SUGCT: variants seen among roughly 807,000 people sequenced by gnomAD.
SUGCT encodes succinyl-CoA:glutarate-CoA transferase.
Under a neutral mutation model 55.0 loss-of-function variants are expected in SUGCT, and 41 were observed. The ratio of observed to expected loss-of-function variants is 0.74; its 90% confidence interval spans 0.58 to 0.97. The LOEUF (loss-of-function observed/expected upper bound fraction) is 0.97. Ranked by LOEUF, SUGCT falls within the 50% of genes least tolerant of loss-of-function variation. The pLI, the probability that SUGCT is intolerant of heterozygous loss-of-function variation, is 0.00. For synonymous variants in SUGCT, 187 were observed against 200.4 expected, an observed-to-expected ratio of 0.93 and a Z score of 0.56; for missense variants, 568 against 547.8, an observed-to-expected ratio of 1.04 and a Z score of -0.37.
intron 13 of SUGCT, among the ~76,000 whole-genome samples, chr7:40,820,445 C>A (rs1791927849): frequency 6.6e-6 from 1 of 152,134 alleles, no homozygotes; most frequent in Non-Finnish European, 1.5e-5. Flanking sequence ...TTTCGTTGAG[C>A]AGTGGTTTGT....
At chr7:40,754,562 A>C (rs1296115595) in intron 13 of SUGCT, among the ~76,000 whole-genome samples, 1 of 152,220 alleles carries the variant, frequency 6.6e-6, no homozygotes, top group South Asian at 2.1e-4. Context: ...ACAGGCATGA[A>C]CAATGAACAT....
chr7:40,837,227 A>G, intron 13 of SUGCT, among the ~76,000 whole-genome samples: 1 of 152,206 alleles, frequency 6.6e-6, no homozygotes, highest in Middle Eastern at 3.4e-3. Flanking sequence ...CCACCTCCAT[A>G]TTATCTCAGT....
chr7:40,624,283 C>A (rs1799412695), intron 12 of SUGCT, among the ~76,000 whole-genome samples: 1 of 152,038 alleles, frequency 6.6e-6, no homozygotes, highest in Admixed American at 6.5e-5. Flanking sequence ...TAGGTAATCG[C>A]CAAACTGGAA....
At chr7:40,493,245 T>A (rs1791791477) in intron 11 of SUGCT, among the ~76,000 whole-genome samples, 1 of 152,208 alleles carries the variant, frequency 6.6e-6, no homozygotes, top group Non-Finnish European at 1.5e-5. Flanking sequence ...AACCTGAGTT[T>A]CCTATTGGTC....
At chr7:40,654,058 T>A (rs1173676442) in intron 12 of SUGCT, among the ~76,000 whole-genome samples, 1 of 152,128 alleles carries the variant, frequency 6.6e-6, no homozygotes, top group Non-Finnish European at 1.5e-5. Flanking sequence ...AGAGAATTAG[T>A]TTTAAGTAAT....
chr7:40,743,773 CA>C (rs1288496271), intron 12 of SUGCT, among the ~76,000 whole-genome samples: 1 of 152,158 alleles, frequency 6.6e-6, no homozygotes, highest in Admixed American at 6.5e-5. Flanking sequence ...ACAGGAAAAA[CA>C]GTTGCCGCTT....
At chr7:40,753,904 C>A (rs1399725358) in intron 13 of SUGCT, among the ~76,000 whole-genome samples, 2 of 152,134 alleles carry the variant, frequency 1.3e-5, no homozygotes, top group African/African-American at 4.8e-5. Flanking sequence ...GTAATCATTA[C>A]CATTATTAAA....
At chr7:40,962,018 C>A in the SUGCT span, among the ~76,000 whole-genome samples, 4 of 152,164 alleles carry the variant, frequency 2.6e-5, no homozygotes, top group Non-Finnish European at 5.9e-5. Flanking sequence ...GGTTGCCCAG[C>A]TGGCTTGGGT....
At chr7:40,198,971 T>C (rs1465662982) in intron 6 of SUGCT, among the ~76,000 whole-genome samples, 2 of 151,142 alleles carry the variant, frequency 1.3e-5, no homozygotes, top group Non-Finnish European at 2.9e-5. Context: ...CCAGCCTGGG[T>C]GACAGAGTGA....
Position 40,835,023 on chromosome 7 carries a change from C to G in SUGCT, c.1154-25293C>G, listed in dbSNP as rs1341375329. 2.6e-5 allele frequency among the ~76,000 whole-genome samples: 4 copies of G among 152,002 alleles called. No homozygotes were observed. The East Asian group carries it at 7.7e-4, about 29-fold the overall frequency. On this transcript the variant is annotated intron_variant, in intron 13 of 13. Transcript: ENST00000335693. ...ATTCATTATATAGATTGGAGCTGTC[C>G]AATGCTTTATTGAGATGATAGAAAT...
At chr7:40,789,923 A>G (rs994958565) in intron 13 of SUGCT, among the ~76,000 whole-genome samples, 1 of 152,172 alleles carries the variant, frequency 6.6e-6, no homozygotes, top group Non-Finnish European at 1.5e-5. Context: ...TGTCCAAGTC[A>G]CCTTGACTAG....
chr7:41,000,147 T>A, the SUGCT span, among the ~76,000 whole-genome samples: 2 of 152,146 alleles, frequency 1.3e-5, no homozygotes, highest in African/African-American at 2.4e-5. Flanking sequence ...CTCAACAAGT[T>A]CTTATTAAGC....
the SUGCT span, among the ~76,000 whole-genome samples, chr7:41,011,353 A>G: frequency 6.6e-6 from 1 of 152,230 alleles, no homozygotes. Flanking sequence ...CAGAAAAGAT[A>G]GTAGAAGACA....
At chr7:40,397,070 G>T (rs190944283) in intron 9 of SUGCT, among the ~76,000 whole-genome samples, 2 of 152,128 alleles carry the variant, frequency 1.3e-5, no homozygotes, top group African/African-American at 4.8e-5. Flanking sequence ...CCACTTTTAA[G>T]AGTTGAAAAC....
chr7:40,357,433 A>T (rs1385357163), intron 9 of SUGCT, among the ~76,000 whole-genome samples: 1 of 152,196 alleles, frequency 6.6e-6, no homozygotes, highest in Non-Finnish European at 1.5e-5. Context: ...AGATTAAAAA[A>T]ATGTGACCCT....
At chr7:40,991,962 G>T in the SUGCT span, among the ~76,000 whole-genome samples, 1 of 152,040 alleles carries the variant, frequency 6.6e-6, no homozygotes, top group Non-Finnish European at 1.5e-5. Flanking sequence ...TCCCAATCCA[G>T]ACCCCAAGAG....
At chr7:40,324,238 T>C in intron 9 of SUGCT, among the ~76,000 whole-genome samples, 1 of 101,826 alleles carries the variant, frequency 9.8e-6, no homozygotes, top group South Asian at 4.1e-4. Context: ...TATATATAAA[T>C]AAATAAATAA....
At chr7:40,900,507 T>C in the SUGCT span, among the ~76,000 whole-genome samples, 1 of 152,254 alleles carries the variant, frequency 6.6e-6, no homozygotes, top group East Asian at 1.9e-4. Flanking sequence ...AAACTATCTT[T>C]AGTCCCCTTT....
intron 9 of SUGCT, among the ~76,000 whole-genome samples, chr7:40,356,907 A>C (rs1401587238): frequency 2.6e-5 from 4 of 152,188 alleles, no homozygotes; most frequent in African/African-American, 4.8e-5. Context: ...AATTTGCCTT[A>C]TTTTCAAATT....
Sources: allele counts gnomAD v4.1 joint callset (sites outside exome capture counted in the v4.1 genomes callset), GRCh38; gene constraint gnomAD v4.1.1; transcripts MANE v1.5; gene names NCBI Gene and HGNC (gene_info 2026-07-23, HGNC 2026-07-21).